ZNF701: variants seen among roughly 807,000 people sequenced by gnomAD.
ZNF701 encodes zinc finger protein 701.
A neutral mutation model predicts 7.1 loss-of-function variants in ZNF701; 6 were observed. The ratio of observed to expected loss-of-function variants is 0.84; its 90% CI spans 0.46 to 1.66. The LOEUF (loss-of-function observed/expected upper bound fraction) is 1.66. Ranked by LOEUF, ZNF701 falls within the 40% of genes most tolerant of loss-of-function variation. The pLI, the probability that ZNF701 is intolerant of heterozygous loss-of-function variation, is 0.01. For synonymous variants in ZNF701, 166 were observed against 188.2 expected, an observed-to-expected ratio of 0.88 and a Z score of 0.97; for missense variants, 541 against 559.2, an observed-to-expected ratio of 0.97 and a Z score of 0.33.
chr19:52,578,283 T>C (rs1265134423), intron 3 of ZNF701, among the ~76,000 whole-genome samples: 6 of 134,982 alleles, frequency 4.4e-5, no homozygotes, highest in Non-Finnish European at 7.8e-5. Flanking sequence ...AAAAAAGAAG[T>C]GTATAGAAGA....
At chr19:52,590,318 C>G (rs1449160059), downstream of ZNF701, among the ~76,000 whole-genome samples, 2 of 146,956 alleles carry the variant, frequency 1.4e-5, no homozygotes, top group African/African-American at 5.0e-5. Context: ...CCAGGCTGTT[C>G]TGCAAACTCC....
intron 3 of ZNF701, 73 bp from the exon 4 acceptor site, chr19:52,582,129 T>G (rs2059978963): frequency 4.6e-6 from 6 of 1,299,086 alleles, no homozygotes; most frequent in Admixed American, 2.6e-5. Context: ...GTTTTTTATG[T>G]AATATTTACA....
downstream of ZNF701, among the ~76,000 whole-genome samples, chr19:52,589,864 CTCACCTCCAGCCTTTG>C (rs1274909928): frequency 6.6e-6 from 1 of 152,106 alleles, no homozygotes; most frequent in Non-Finnish European, 1.5e-5. Context: ...GCAAACTCAG[CTCACCTCCAGCCTTTG>C]TCACCTGGGT....
chr19:52,571,920 T>G (rs549707009), intron 1 of ZNF701, among the ~76,000 whole-genome samples: 9 of 151,662 alleles, frequency 5.9e-5, no homozygotes, highest in African/African-American at 1.7e-4. Context: ...ACCTCCCGAG[T>G]TCAAGCGAGT....
rs2059981928 is a variant in ZNF701, at chr19:52,582,516, A to G, written c.457A>G (p.Ile153Val). Residue 153 changes from isoleucine (I) to valine (V), a missense_variant, in exon 4 of 4, where the codon ATA (isoleucine) becomes GTA (valine). Transcript: ENST00000391785. ...TCATTCGCATCTGCCTGAAGTGCAC[A>G]TATTTCACCCCGAAGGGAAAATTGG... ...SFHSHLPEVH[I>V]FHPEGKIGNQ... 3.7e-6 allele frequency: 6 copies of G among 1,614,222 alleles called. No individual in the cohort carries two copies. The highest frequency in any genetic ancestry group is 4.2e-6 in the Non-Finnish European group (5 of 1,180,040).
At chr19:52,574,300 C>T (rs910712601) in intron 2 of ZNF701, 138 bp downstream of exon 2, 4 of 1,403,924 alleles carry the variant, frequency 2.8e-6, no homozygotes, top group African/African-American at 1.4e-5. Context: ...TCCCTCAGTC[C>T]CTGTCATCTC....
At chr19:52,589,013 A>C (rs534623433), downstream of ZNF701, among the ~76,000 whole-genome samples, 3 of 152,216 alleles carry the variant, frequency 2.0e-5, no homozygotes, top group Non-Finnish European at 4.4e-5. Context: ...TGTTACCAAG[A>C]ATAACACACT....
chr19:52,577,497 C>CAATCATT (rs56906307), intron 3 of ZNF701, among the ~76,000 whole-genome samples: 8 of 149,716 alleles, frequency 5.3e-5, no homozygotes, highest in African/African-American at 1.5e-4. Context: ...GGACAATTAT[C>CAATCATT]AATCATTAGC....
chr19:52,593,863 A>G, the ZNF701 span, among the ~76,000 whole-genome samples: 1 of 111,038 alleles, frequency 9.0e-6, no homozygotes, highest in Non-Finnish European at 1.9e-5. Flanking sequence ...GGCTCCTCAC[A>G]TCCCAGACGA....
At chr19:52,575,353 T>TAC (rs143468716) in intron 2 of ZNF701, among the ~76,000 whole-genome samples, 1 of 152,018 alleles carries the variant, frequency 6.6e-6, no homozygotes, top group Non-Finnish European at 1.5e-5. Context: ...CATACATATA[T>TAC]ACACACACAC....
chr19:52,584,913 T>C lies in ZNF701; in HGVS notation c.*1456T>C, dbSNP rs1483287643. The C allele has an allele frequency of 6.6e-6, 1 of 152,242 alleles. No individual in the cohort carries two copies. The highest frequency in any genetic ancestry group is 1.9e-4 in the East Asian group (1 of 5,182). The allele number at this position is 152,242 out of a possible 1,614,324, so 9.4% of individuals were successfully genotyped here. ...CTCCCCGCGGGTCTGGCTTCTGTACTGTGCTGATTGGCACAGACCCGGAAG... is the reference window on the plus strand; with the variant it reads ...CTCCCCGCGGGTCTGGCTTCTGTACCGTGCTGATTGGCACAGACCCGGAAG... On this transcript the variant is annotated 3_prime_UTR_variant, in exon 4 of 4. Coordinates refer to ENST00000391785, the MANE Select transcript of ZNF701 (RefSeq NM_018260.3).
In ZNF701 at chr19:52,583,868, T is replaced by G; in HGVS notation, c.*411T>G. 1 of 460,504 alleles carries G rather than the reference T, an allele frequency of 2.2e-6. No individual in the cohort carries two copies. Among genetic ancestry groups the G allele is most frequent in the Non-Finnish European group, 4.2e-6 (1 of 235,314 alleles). The allele number at this position is 460,504 out of a possible 1,614,324, so 28.5% of individuals were successfully genotyped here. On this transcript the variant is annotated 3_prime_UTR_variant, in exon 4 of 4. Coordinates refer to ENST00000391785, the MANE Select transcript of ZNF701 (RefSeq NM_018260.3). ...ATTGGAGAATCCATAATGAAGGAGGTCTTACAAGTGTAATAAATGTGGCAA... is the reference window on the plus strand; with the variant it reads ...ATTGGAGAATCCATAATGAAGGAGGGCTTACAAGTGTAATAAATGTGGCAA...
chr19:52,590,447 A>G (rs747481184), downstream of ZNF701, among the ~76,000 whole-genome samples: 18 of 152,022 alleles, frequency 1.2e-4, no homozygotes, highest in Non-Finnish European at 2.6e-4. Context: ...CCATGTATTG[A>G]GTTTTTCTAC....
At position 52,574,256 on chromosome 19, in the gene ZNF701, G is replaced by T. The variant is rs189658401; in HGVS notation, c.15+94G>T. On this transcript the variant is annotated intron_variant, in intron 2 of 3. Coordinates refer to ENST00000391785, the MANE Select transcript of ZNF701 (RefSeq NM_018260.3). ...ATCTTCTCTGAGTCTCAAGTGTCCT[G>T]CCTGACAGGTTTGCTCACACTCAAC... 2.2e-3 allele frequency: 3,356 copies of T among 1,558,398 alleles called. 4 individuals carry two copies. Among genetic ancestry groups the T allele is most frequent in the Non-Finnish European group, 2.7e-3 (3,049 of 1,135,384 alleles).
chr19:52,580,390 A>C (rs1730070604), intron 3 of ZNF701, among the ~76,000 whole-genome samples: 1 of 151,860 alleles, frequency 6.6e-6, no homozygotes, highest in African/African-American at 2.4e-5. Context: ...GTGCCCAGCT[A>C]ATGTTTTTGT....
intron 3 of ZNF701, 128 bp downstream of exon 3, chr19:52,576,149 G>A (rs1406509587): frequency 2.7e-5 from 42 of 1,558,430 alleles, no homozygotes; most frequent in Non-Finnish European, 3.4e-5. Flanking sequence ...GAAATGAAAA[G>A]CTTCATGATG....
intron 1 of ZNF701, among the ~76,000 whole-genome samples, chr19:52,571,233 T>A (rs1178877173): frequency 4.9e-5 from 7 of 142,042 alleles, no homozygotes; most frequent in Admixed American, 1.4e-4. Flanking sequence ...CTCATCAGAG[T>A]GAGAGAGAGA....
At chr19:52,577,639 A>C (rs1253470025) in intron 3 of ZNF701, among the ~76,000 whole-genome samples, 1 of 152,024 alleles carries the variant, frequency 6.6e-6, no homozygotes. Context: ...ACACCCGCAT[A>C]AGGGCCGCTT....
In ZNF701 at chr19:52,572,147, G is replaced by A. The variant is rs368562067; in HGVS notation, c.-72+1817G>A. 113 of 304,492 alleles carry A rather than the reference G, an allele frequency of 3.7e-4. 1 individual carries two copies. Among genetic ancestry groups the A allele is most frequent in the South Asian group, 1.2e-3 (50 of 40,512 alleles). 18.9% of individuals were successfully genotyped at this position (304,492 alleles called of 1,614,324 possible). A position where few individuals can be genotyped will look rare whatever the true frequency, so the allele number is the denominator to read the frequency against. On this transcript the variant is annotated intron_variant, in intron 1 of 3. Transcript: ENST00000391785. ...CTACTCACCACCACCTTTACCTCCCGGTTTTAAGCGATTGTCCTGCCTCGG... is the reference window on the plus strand; with the variant it reads ...CTACTCACCACCACCTTTACCTCCCAGTTTTAAGCGATTGTCCTGCCTCGG...
Sources: allele counts gnomAD v4.1 joint callset (sites outside exome capture counted in the v4.1 genomes callset), GRCh38; gene constraint gnomAD v4.1.1; transcripts MANE v1.5; gene names NCBI Gene and HGNC (gene_info 2026-07-23, HGNC 2026-07-21).